Variants in RTEL1 observed in about 807,000 individuals in gnomAD.
RTEL1 encodes regulator of telomere length.
RTEL1 carries 86 observed loss-of-function variants against 162.2 expected under a neutral mutation model. The observed-to-expected ratio is 0.53, with a 90% confidence interval of 0.45 to 0.63. RTEL1 has a LOEUF of 0.63. Among genes scored for constraint, RTEL1 ranks in the 30% least tolerant of loss-of-function variants. The pLI is 0.00. For missense variants in RTEL1, 1,941 were observed against 1,750.2 expected (o/e 1.11, Z -1.95); for synonymous variants, 958 against 717.9 (o/e 1.33, Z -5.35).
At chr20:63,675,511 T>C (rs1219097241) in intron 10 of RTEL1, among the ~76,000 whole-genome samples, 1 of 151,978 alleles carries the variant, frequency 6.6e-6, no homozygotes, top group Non-Finnish European at 1.5e-5. Flanking sequence ...TTTATATATA[T>C]ATATATATAC....
rs1462195263 is a variant in RTEL1, at chr20:63,693,245, C to A, written c.2954C>A (p.Pro985His). The A allele has an allele frequency of 1.2e-6, 2 of 1,612,018 alleles. No individual in the cohort carries two copies. The highest frequency in any genetic ancestry group is 1.7e-6 in the Non-Finnish European group (2 of 1,179,462). ...GGCTATCGGCCTGAGCACAGCATTC[C>A]CCGAAGGCAGCGGGCACAGCCGGTC... The part of the protein sequence containing the change: ...GCGYRPEHSI[P>H]RRQRAQPVLD... Residue 985 changes from proline to histidine, a missense_variant, in exon 30 of 35, where the codon CCC becomes CAC. Physicochemically the swap from Pro to His is moderately conservative, Grantham distance 77 (BLOSUM62 -2). Transcript: ENST00000360203.
intron 14 of RTEL1, among the ~76,000 whole-genome samples, chr20:63,684,300 T>G (rs564519903): frequency 6.6e-6 from 1 of 152,154 alleles, no homozygotes; most frequent in Non-Finnish European, 1.5e-5. Context: ...CTTTTCCTCA[T>G]GTTTTTGTTC....
At chr20:63,658,571 G>C (rs2089955817) in intron 1 of RTEL1, 105 bp downstream of exon 1, 1 of 152,280 alleles carries the variant, frequency 6.6e-6, no homozygotes, top group South Asian at 2.1e-4. Flanking sequence ...GCCGCCCTCG[G>C]GGCCGCGGGT....
chr20:63,680,593 G>A, intron 13 of RTEL1, 71 bp from the exon 14 acceptor site: 1 of 1,543,818 alleles, frequency 6.5e-7, no homozygotes, highest in Admixed American at 1.7e-5. Flanking sequence ...GGCTCATGCT[G>A]GAAGGGCCGG....
intron 9 of RTEL1, among the ~76,000 whole-genome samples, chr20:63,672,910 C>G (rs2090274237): frequency 6.6e-6 from 1 of 152,230 alleles, no homozygotes; most frequent in South Asian, 2.1e-4. Context: ...TCAGCCTGGG[C>G]CAGGGCTGTC....
At chr20:63,691,553 G>A (rs1013874863) in intron 27 of RTEL1, among the ~76,000 whole-genome samples, 189 bp from the exon 28 acceptor site, 2 of 152,124 alleles carry the variant, frequency 1.3e-5, no homozygotes, top group African/African-American at 4.8e-5. Flanking sequence ...CGAGCCTCAT[G>A]AGCCGCTGGT....
chr20:63,661,709 A>C lies in RTEL1; in HGVS notation c.302-141A>C. On this transcript the variant is annotated intron_variant, in intron 3 of 34. Coordinates refer to ENST00000360203, the MANE Select transcript of RTEL1 (RefSeq NM_001283009.2). The surrounding 1 kb of genome is among the most constrained non-coding windows in gnomAD (Gnocchi z 5.1). ...TTAGGGCACGGCAGATGCCCACTTC[A>C]CCCATTTTTGATAAACCAGTATCTG... The C allele has an allele frequency of 2.2e-6, 2 of 895,762 alleles. No homozygotes were observed. Among genetic ancestry groups the C allele is most frequent in the Non-Finnish European group, 3.5e-6 (2 of 570,950 alleles). The allele number at this position is 895,762 out of a possible 1,614,324, so 55.5% of individuals were successfully genotyped here.
intron 30 of RTEL1, among the ~76,000 whole-genome samples, chr20:63,693,630 T>TCCA (rs1568721280): frequency 3.2e-4 from 1 of 3,130 alleles, no homozygotes. Context: ...CACCACCACC[T>TCCA]CCACCACCAC....
chr20:63,690,784 C>A, intron 26 of RTEL1, 21 bp from the exon 27 acceptor site: 1 of 1,589,414 alleles, frequency 6.3e-7, no homozygotes, highest in Non-Finnish European at 8.5e-7. Flanking sequence ...GGCTTCACTG[C>A]GCACTCGGGT....
chr20:63,688,482 G>C, intron 20 of RTEL1, 46 bp from the exon 21 acceptor site: 1 of 1,606,562 alleles, frequency 6.2e-7, no homozygotes, highest in Non-Finnish European at 8.5e-7. Context: ...TCATCGGATC[G>C]GCGGCGTGAC....
chr20:63,672,761 G>C lies in RTEL1; in HGVS notation c.765+140G>C, dbSNP rs56010802. On this transcript the variant is annotated intron_variant, in intron 9 of 34. Transcript: ENST00000360203. ...GGACTGGGGACTGAGCACACCAGGA[G>C]CTTCTGCCACCCCCTCCCGCCCTGA... is the stretch of plus-strand genomic sequence containing the variant. The C allele has an allele frequency of 0.066, 46,818 of 714,376 alleles. 1,851 individuals are homozygous for C. Among genetic ancestry groups the C allele is most frequent in the Non-Finnish European group, 0.082 (33,297 of 404,620 alleles). The allele number at this position is 714,376 out of a possible 1,614,324, so 44.3% of individuals were successfully genotyped here.
Position 63,695,850 on chromosome 20 carries a change from C to T in RTEL1, c.3895C>T (p.Pro1299Ser). 1 of 1,589,756 alleles carries T rather than the reference C, an allele frequency of 6.3e-7. No individual in the cohort carries two copies. Among genetic ancestry groups the T allele is most frequent in the Non-Finnish European group, 8.5e-7 (1 of 1,169,712 alleles). Residue 1299 changes from proline to serine, a missense_variant, in exon 35 of 35, where the codon CCC (proline) becomes TCC (serine). Transcript: ENST00000360203. ...CGTCATGCAGGTCTTCTGGCCAGAG[C>T]CCCAGTGAGTGCCCACGGAGGCCCC... ...QSVMQVFWPE[P>S]Q
intron 29 of RTEL1, 62 bp from the exon 30 acceptor site, chr20:63,693,081 A>G: frequency 1.9e-6 from 3 of 1,610,822 alleles, no homozygotes; most frequent in East Asian, 4.5e-5. Flanking sequence ...TCTGGGTCCA[A>G]GGTGGTCTCT....
At position 63,661,464 on chromosome 20, in the gene RTEL1, G is replaced by C; in HGVS notation, c.269G>C (p.Gly90Ala). 6.2e-7 allele frequency: 1 copy of C among 1,612,954 alleles called. No individual in the cohort carries two copies. Among genetic ancestry groups the C allele is most frequent in the Non-Finnish European group, 8.5e-7 (1 of 1,179,998 alleles). ...LFPDRALSSWGNAAAAAGDPI... is the reference protein window; with the variant it reads ...LFPDRALSSWANAAAAAGDPI... The stretch of plus-strand genomic sequence containing the variant: ...CCGGATCGGGCCTTGTCATCCTGGG[G>C]CAACGCTGCTGCTGCTGCTGGAGAC... The change falls in exon 3 of 35, where the codon GGC becomes GCC. Residue 90 changes from glycine (G) to alanine (A), a missense_variant. Gly to Ala is a moderately conservative substitution (Grantham distance 60). Transcript: ENST00000360203. The surrounding 1 kb of genome is among the most constrained non-coding windows in gnomAD (Gnocchi z 5.1).
At chr20:63,693,833 C>T (rs1015577958) in intron 30 of RTEL1, among the ~76,000 whole-genome samples, 1 of 146,266 alleles carries the variant, frequency 6.8e-6, no homozygotes. Context: ...CCTGCCATAG[C>T]CCCGACCCCT....
intron 8 of RTEL1, among the ~76,000 whole-genome samples, chr20:63,671,253 A>C (rs2146188806): frequency 6.6e-6 from 1 of 151,362 alleles, no homozygotes; most frequent in East Asian, 2.0e-4. Flanking sequence ...TAGAGACGGC[A>C]GTTCGCCATG....
intron 14 of RTEL1, among the ~76,000 whole-genome samples, chr20:63,683,491 G>T (rs1051824718): frequency 6.6e-6 from 1 of 152,246 alleles, no homozygotes; most frequent in Non-Finnish European, 1.5e-5. Context: ...ACCCAGGCAC[G>T]TGCACATGCA....
In RTEL1 at chr20:63,687,622, G is replaced by GC. The variant is rs763892570; in HGVS notation, c.1349-10dup. 6.3e-6 allele frequency: 10 copies of GC among 1,594,054 alleles called. No individual in the cohort carries two copies. Among genetic ancestry groups the GC allele is most frequent in the South Asian group, 2.3e-5 (2 of 88,860 alleles). ...GTCCTCACACTCTGTGCCCTCTGCC[G>GC]CCCCCCGCCCCACAGGGAAGGTGCT... On this transcript the variant is annotated splice_polypyrimidine_tract_variant and intron_variant, in intron 16 of 34. Coordinates refer to ENST00000360203, the MANE Select transcript of RTEL1 (RefSeq NM_001283009.2).
In RTEL1 at chr20:63,695,887, A is replaced by C. The variant is rs145241747; in HGVS notation, c.*29A>C. 25 of 1,552,074 alleles carry C rather than the reference A, an allele frequency of 1.6e-5. No homozygotes were observed. The Admixed American group carries it at 2.1e-4, about 13-fold the overall frequency. On this transcript the variant is annotated 3_prime_UTR_variant, in exon 35 of 35. Coordinates refer to ENST00000360203, the MANE Select transcript of RTEL1 (RefSeq NM_001283009.2). ...CCCACGGAGGCCCCCAGCACACCCA[A>C]CGTGGCTTGATCACCTGCCTGTCCA... is the stretch of plus-strand genomic sequence containing the variant.
Sources: allele counts gnomAD v4.1 joint callset (sites outside exome capture counted in the v4.1 genomes callset), GRCh38; gene constraint gnomAD v4.1.1; non-coding constraint Gnocchi (gnomAD v3.1); transcripts MANE v1.5; gene names NCBI Gene and HGNC (gene_info 2026-07-23, HGNC 2026-07-21).